DAW1: variants seen among roughly 807,000 people sequenced by gnomAD.
DAW1 encodes the protein dynein assembly factor with WD repeats 1.
DAW1 carries 47 observed loss-of-function variants against 56.5 expected under a neutral mutation model. The ratio of observed to expected loss-of-function variants is 0.83; its 90% CI spans 0.66 to 1.06. The LOEUF (loss-of-function observed/expected upper bound fraction) is 1.06, where lower values mean the gene tolerates loss of function less well. Among genes scored for constraint, DAW1 ranks in the 50% least tolerant of loss-of-function variants. The pLI is 0.00. For synonymous variants in DAW1, 190 were observed against 179.0 expected (o/e 1.06, Z -0.49); for missense variants, 505 against 499.3 (o/e 1.01, Z -0.11).
intron 10 of DAW1, among the ~76,000 whole-genome samples, chr2:227,909,534 G>A (rs1691769734): frequency 6.6e-6 from 1 of 151,902 alleles, no homozygotes; most frequent in African/African-American, 2.4e-5. Flanking sequence ...GAGAAGTCTT[G>A]CCATATGCCA....
chr2:227,905,443 C>T (rs1691655060), intron 8 of DAW1, among the ~76,000 whole-genome samples: 1 of 152,098 alleles, frequency 6.6e-6, no homozygotes, highest in Non-Finnish European at 1.5e-5. Context: ...GTCCTAGTTG[C>T]TAGGAAGTTA....
chr2:227,905,465 A>G (rs1470786751), intron 8 of DAW1, among the ~76,000 whole-genome samples: 1 of 152,216 alleles, frequency 6.6e-6, no homozygotes, highest in Non-Finnish European at 1.5e-5. Context: ...CTAAATTAGC[A>G]TATTTGTGTT....
chr2:227,896,766 T>C lies in DAW1; in HGVS notation c.441-1416T>C, dbSNP rs543748560. Among the ~76,000 whole-genome samples the C allele has an allele frequency of 2.7e-3, 407 of 152,112 alleles. 2 individuals are homozygous for C. The highest frequency in any genetic ancestry group is 9.3e-3 in the African/African-American group (387 of 41,514). On this transcript the variant is annotated intron_variant, in intron 5 of 12. Transcript: ENST00000309931. Reference sequence around the variant, plus strand: ...GACATGAGAGATATCTTCTATAATGTGGTGTCATGTGGATATAGAGAACAG... The same window carrying C: ...GACATGAGAGATATCTTCTATAATGCGGTGTCATGTGGATATAGAGAACAG...
chr2:227,910,893 A>G (rs1026946280), intron 10 of DAW1, among the ~76,000 whole-genome samples: 3 of 152,110 alleles, frequency 2.0e-5, no homozygotes, highest in Non-Finnish European at 4.4e-5. Context: ...TGGTATCTTC[A>G]TATGACACAA....
chr2:227,912,350 A>G, intron 10 of DAW1: 1 of 1,304,422 alleles, frequency 7.7e-7, no homozygotes, highest in South Asian at 1.2e-5. Flanking sequence ...CTCCTGCCTC[A>G]GCCGCCCGAG....
Position 227,893,879 on chromosome 2 carries a change from G to C in DAW1, c.402G>C (p.Arg134Ser). ...AGCTGAACACGCTGGAGGGCCACAG[G>C]AATGTGGTTTATGCCATAGCATTCA... ...GEELNTLEGH[R>S]NVVYAIAFNN... Residue 134 changes from arginine to serine, a missense_variant, in exon 5 of 13, where the codon AGG becomes AGC. By Grantham distance (110) the Arg-to-Ser change is moderately radical. Transcript: ENST00000309931. 1 of 1,613,780 alleles carries C rather than the reference G, an allele frequency of 6.2e-7. No individual in the cohort carries two copies. The highest frequency in any genetic ancestry group is 8.5e-7 in the Non-Finnish European group (1 of 1,179,876).
intron 1 of DAW1, among the ~76,000 whole-genome samples, chr2:227,878,581 G>A (rs1690939682): frequency 6.6e-6 from 1 of 152,124 alleles, no homozygotes; most frequent in Admixed American, 6.5e-5. Context: ...AATTAGCTGG[G>A]CATAGCGGCA....
In DAW1 at chr2:227,924,227, T is replaced by G. The variant is rs1351296264; in HGVS notation, c.*259T>G. 7 of 494,374 alleles carry G rather than the reference T, an allele frequency of 1.4e-5. No individual in the cohort carries two copies. Among genetic ancestry groups the G allele is most frequent in the Non-Finnish European group, 2.2e-5 (6 of 276,892 alleles). 30.6% of individuals were successfully genotyped at this position (494,374 alleles called of 1,614,324 possible). On this transcript the variant is annotated 3_prime_UTR_variant, in exon 13 of 13. Coordinates refer to ENST00000309931, the MANE Select transcript of DAW1 (RefSeq NM_178821.3). The stretch of plus-strand genomic sequence containing the variant: ...CACCAGTTATTTCAGTTGTGTTTGT[T>G]TTTTAAAAGCATTATGATACTGAAA...
At position 227,924,042 on chromosome 2, in the gene DAW1, C is replaced by T. The variant is rs1200558034; in HGVS notation, c.*74C>T. On this transcript the variant is annotated 3_prime_UTR_variant, in exon 13 of 13. Coordinates refer to ENST00000309931, the MANE Select transcript of DAW1 (RefSeq NM_178821.3). ...AACTGGAACTTCACAGACAGCAGCT[C>T]TCTTAATATTTCTTATACTTTCTCT... The T allele has an allele frequency of 3.9e-6, 6 of 1,538,552 alleles. No homozygotes were observed. The highest frequency in any genetic ancestry group is 3.5e-5 in the Admixed American group (2 of 57,440).
At chr2:227,882,815 C>T (rs1249813443) in intron 1 of DAW1, among the ~76,000 whole-genome samples, 1 of 152,152 alleles carries the variant, frequency 6.6e-6, no homozygotes, top group African/African-American at 2.4e-5. Context: ...GGTAGTTCCT[C>T]CTGCATTCAT....
chr2:227,918,182 TC>T (rs534570195), intron 10 of DAW1, among the ~76,000 whole-genome samples: 17 of 75,072 alleles, frequency 2.3e-4, no homozygotes, highest in South Asian at 7.0e-4. Context: ...CATCCATCCA[TC>T]CATCCATCCA....
chr2:227,907,840 G>A (rs1481277948), intron 10 of DAW1, among the ~76,000 whole-genome samples: 2 of 152,184 alleles, frequency 1.3e-5, no homozygotes, highest in African/African-American at 2.4e-5. Flanking sequence ...GAGCCACCGT[G>A]CCCAGCTTCC....
rs144851512 is a variant in DAW1, at chr2:227,885,410, G to T, written c.100G>T (p.Asp34Tyr). 1.2e-6 allele frequency: 2 copies of T among 1,603,270 alleles called. No individual in the cohort carries two copies. Among genetic ancestry groups the T allele is most frequent in the East Asian group, 4.5e-5 (2 of 44,516 alleles). ...AAAGACTAAGTCCATAGATTTGCTT[G>T]ATCTTGGTCCCAGGTAAGTAAGCTG... is the stretch of plus-strand genomic sequence containing the variant. The part of the protein sequence containing the change: ...ELKTKSIDLL[D>Y]LGPSTDVSAL... Residue 34 changes from aspartate to tyrosine, a missense_variant, in exon 2 of 13, where the codon GAT becomes TAT. Coordinates refer to ENST00000309931, the MANE Select transcript of DAW1 (RefSeq NM_178821.3).
chr2:227,880,142 A>G (rs1037919064), intron 1 of DAW1, among the ~76,000 whole-genome samples: 3 of 152,132 alleles, frequency 2.0e-5, no homozygotes, highest in African/African-American at 7.2e-5. Context: ...TTAATTCTAT[A>G]TTTAGATATT....
chr2:227,913,092 A>G (rs1691869327), intron 10 of DAW1, among the ~76,000 whole-genome samples: 1 of 152,206 alleles, frequency 6.6e-6, no homozygotes, highest in African/African-American at 2.4e-5. Context: ...AGTCTGTACT[A>G]TATCTGAATC....
intron 1 of DAW1, among the ~76,000 whole-genome samples, chr2:227,881,903 C>T (rs896943541): frequency 2.0e-5 from 3 of 152,008 alleles, no homozygotes; most frequent in Admixed American, 6.6e-5. Flanking sequence ...CAGGTGCCTG[C>T]CGTCATGCCA....
At chr2:227,892,821 A>G (rs1240702596) in intron 4 of DAW1, among the ~76,000 whole-genome samples, 1 of 152,142 alleles carries the variant, frequency 6.6e-6, no homozygotes, top group Non-Finnish European at 1.5e-5. Context: ...ATACTTTTGA[A>G]GCAATATTTT....
chr2:227,905,045 A>G lies in DAW1; in HGVS notation c.755+10A>G. The G allele has an allele frequency of 6.2e-7, 1 of 1,608,342 alleles. No homozygotes were observed. Among genetic ancestry groups the G allele is most frequent in the South Asian group, 1.1e-5 (1 of 90,200 alleles). The stretch of plus-strand genomic sequence containing the variant: ...ACGCTGATACTGGAAGGTAATTCTT[A>G]GTTCTTAAGAATTGTTTTAACCTGG... On this transcript the variant is annotated intron_variant, in intron 8 of 12. Coordinates refer to ENST00000309931, the MANE Select transcript of DAW1 (RefSeq NM_178821.3).
At chr2:227,872,184 C>T (rs1275240812) in intron 1 of DAW1, 1 of 153,268 alleles carries the variant, frequency 6.5e-6, no homozygotes, top group Non-Finnish European at 1.4e-5. Flanking sequence ...ATAAGTGACA[C>T]CCATTGATCA....
Sources: gnomAD v4.1 joint callset for allele counts (sites outside exome capture counted in the v4.1 genomes callset) on GRCh38, gnomAD v4.1.1 for gene constraint, MANE v1.5 for transcripts, NCBI Gene and HGNC (gene_info 2026-07-23, HGNC 2026-07-21) for gene names.